BACH2: variants seen among roughly 807,000 people sequenced by gnomAD.
The protein encoded by BACH2 is transcription regulator protein BACH2.
In BACH2, 5 loss-of-function variants were observed where a neutral mutation model predicts 61.8. The ratio of observed to expected loss-of-function variants is 0.08; its 90% confidence interval spans 0.04 to 0.17. BACH2 has a LOEUF of 0.17. Among genes scored for constraint, BACH2 ranks in the 10% least tolerant of loss-of-function variants. The probability of loss-of-function intolerance (pLI) is 1.00; values close to 1 mark genes in which losing one functional copy is unlikely to be tolerated. For missense variants in BACH2, 824 were observed against 1,091.1 expected (o/e 0.76, Z 3.45); for synonymous variants, 446 against 440.1 (o/e 1.01, Z -0.17).
chr6:90,185,677 T>C (rs1209585079), intron 4 of BACH2, among the ~76,000 whole-genome samples: 2 of 152,156 alleles, frequency 1.3e-5, no homozygotes, highest in African/African-American at 4.8e-5. Flanking sequence ...CATCTGATGA[T>C]GGGTTATGAG....
intron 3 of BACH2, among the ~76,000 whole-genome samples, chr6:90,225,452 G>A (rs1034625903): frequency 1.3e-5 from 2 of 152,064 alleles, no homozygotes; most frequent in African/African-American, 2.4e-5. Flanking sequence ...AGAGACAGAC[G>A]ATAATCACAA....
intron 3 of BACH2, among the ~76,000 whole-genome samples, chr6:90,225,582 G>T (rs1330698706): frequency 6.6e-6 from 1 of 152,088 alleles, no homozygotes; most frequent in Non-Finnish European, 1.5e-5. Context: ...CATGGACACA[G>T]GGAAGGGAAC....
chr6:90,050,414 AC>A (rs1779988425), intron 5 of BACH2, among the ~76,000 whole-genome samples: 2 of 152,118 alleles, frequency 1.3e-5, no homozygotes, highest in Non-Finnish European at 2.9e-5. Flanking sequence ...TATTTGAAAA[AC>A]CTATTAACTC....
intron 8 of BACH2, among the ~76,000 whole-genome samples, chr6:89,935,583 C>T (rs746372839): frequency 3.3e-5 from 5 of 152,142 alleles, no homozygotes; most frequent in African/African-American, 9.7e-5. Context: ...TGTTCTTATT[C>T]GGCACTGAAA....
At chr6:90,040,457 C>G (rs776391983) in intron 5 of BACH2, among the ~76,000 whole-genome samples, 45 of 151,692 alleles carry the variant, frequency 3.0e-4, no homozygotes, top group Admixed American at 1.3e-3. Flanking sequence ...TATATGAGTA[C>G]GTTTGTAGTA....
intron 4 of BACH2, among the ~76,000 whole-genome samples, chr6:90,113,206 A>T (rs1486114721): frequency 1.3e-5 from 2 of 152,168 alleles, no homozygotes; most frequent in African/African-American, 4.8e-5. Context: ...TGAGGTGAAA[A>T]ATTAACAAAG....
chr6:90,199,691 A>G (rs1768890587), intron 4 of BACH2, among the ~76,000 whole-genome samples: 1 of 152,138 alleles, frequency 6.6e-6, no homozygotes, highest in Non-Finnish European at 1.5e-5. Context: ...TGCACCTCAC[A>G]TTCGACAGGA....
chr6:89,987,295 A>T (rs911900186), intron 6 of BACH2, among the ~76,000 whole-genome samples: 2 of 152,150 alleles, frequency 1.3e-5, no homozygotes, highest in Non-Finnish European at 2.9e-5. Context: ...TACCCTGATG[A>T]TCCTGAACTA....
At chr6:90,229,533 T>C (rs1468172639) in intron 3 of BACH2, among the ~76,000 whole-genome samples, 1 of 152,158 alleles carries the variant, frequency 6.6e-6, no homozygotes, top group African/African-American at 2.4e-5. Flanking sequence ...CCCCAGGAGA[T>C]TCTAATGTGC....
chr6:89,985,598 A>G (rs1776198198), intron 6 of BACH2, among the ~76,000 whole-genome samples: 1 of 152,188 alleles, frequency 6.6e-6, no homozygotes, highest in Non-Finnish European at 1.5e-5. Context: ...TTAGCTCCAG[A>G]GGGCCTCAGC....
intron 2 of BACH2, among the ~76,000 whole-genome samples, chr6:90,253,815 G>A (rs1770889349): frequency 6.6e-6 from 1 of 152,076 alleles, no homozygotes; most frequent in South Asian, 2.1e-4. Flanking sequence ...TTACACAGAG[G>A]CCTTAGTCAT....
chr6:90,003,892 C>T lies in BACH2; in HGVS notation c.243+4710G>A, dbSNP rs1251511764. ...CTTCTCATCCTGGTCATGCCACTTC[C>T]CAAAGACTTCACCCCTGTTTCCCAC... On this transcript the variant is annotated intron_variant, in intron 6 of 8. Coordinates refer to ENST00000257749, the MANE Select transcript of BACH2 (RefSeq NM_021813.4). Among the ~76,000 whole-genome samples, 6 of 152,304 alleles carry T rather than the reference C, an allele frequency of 3.9e-5. No individual in the cohort carries two copies. In the South Asian group the frequency reaches 6.2e-4, roughly 16 times the overall value.
At chr6:90,148,267 A>G (rs548409260) in intron 4 of BACH2, among the ~76,000 whole-genome samples, 16 of 152,322 alleles carry the variant, frequency 1.1e-4, no homozygotes, top group African/African-American at 3.6e-4. Context: ...CCCAAGTAGG[A>G]CTTACTGATC....
chr6:90,292,718 CA>C lies in BACH2; in HGVS notation c.-446+3761del, dbSNP rs538035453. Among the ~76,000 whole-genome samples, 243 of 152,084 alleles carry C rather than the reference CA, an allele frequency of 1.6e-3. 2 individuals are homozygous for C. The highest frequency in any genetic ancestry group is 5.7e-3 in the African/African-American group (235 of 41,480). ...AACAGAGACACACAAAGATATTAAA[CA>C]AAAAAAGATGTTTCAGTCTGTTCAG... On this transcript the variant is annotated intron_variant, in intron 1 of 8. Transcript: ENST00000257749.
At chr6:89,948,041 A>G (rs1773850440) in intron 7 of BACH2, among the ~76,000 whole-genome samples, 1 of 152,194 alleles carries the variant, frequency 6.6e-6, no homozygotes, top group African/African-American at 2.4e-5. Context: ...GTCCCAACAT[A>G]CACACAAAAA....
chr6:90,098,222 A>G (rs115271306), intron 4 of BACH2, among the ~76,000 whole-genome samples: 2,470 of 152,254 alleles, frequency 0.016, 63 homozygotes, highest in African/African-American at 0.055. Flanking sequence ...AATGTCCCTT[A>G]GCTATTCAGC....
At chr6:89,979,232 C>T (rs1775821195) in intron 6 of BACH2, among the ~76,000 whole-genome samples, 1 of 152,194 alleles carries the variant, frequency 6.6e-6, no homozygotes, top group Non-Finnish European at 1.5e-5. Flanking sequence ...TCAATCCTTC[C>T]TCTCATTCTC....
intron 5 of BACH2, among the ~76,000 whole-genome samples, chr6:90,041,073 G>A (rs1463875501): frequency 6.6e-6 from 1 of 152,002 alleles, no homozygotes; most frequent in Non-Finnish European, 1.5e-5. Context: ...TCTTTCTCTT[G>A]TACTGCACAG....
rs1311873493 is a variant in BACH2 at position 89,928,304 on chromosome 6, AG to A, written c.*4103del. The A allele has an allele frequency of 6.6e-6, 1 of 152,344 alleles. No homozygotes were observed. Among genetic ancestry groups the A allele is most frequent in the Non-Finnish European group, 1.5e-5 (1 of 68,026 alleles). 9.4% of individuals were successfully genotyped at this position (152,344 alleles called of 1,614,324 possible). On this transcript the variant is annotated 3_prime_UTR_variant, in exon 9 of 9. Coordinates refer to ENST00000257749, the MANE Select transcript of BACH2 (RefSeq NM_021813.4). ...TAAATGGGGCATAATGTAGAGAAGT[AG>A]GTAGCCAAATAGGGACTTGAGAAAG...
Sources: allele counts gnomAD v4.1 joint callset (sites outside exome capture counted in the v4.1 genomes callset), GRCh38; gene constraint gnomAD v4.1.1; transcripts MANE v1.5; gene names NCBI Gene and HGNC (gene_info 2026-07-23, HGNC 2026-07-21).